YTHDC2: variants seen among roughly 807,000 people sequenced by gnomAD.
The protein encoded by YTHDC2 is YTH N6-methyladenosine RNA binding protein C2.
YTHDC2 carries 45 observed loss-of-function variants against 174.9 expected under a neutral mutation model. The ratio of observed to expected loss-of-function variants is 0.26; its 90% confidence interval spans 0.20 to 0.33. The LOEUF (loss-of-function observed/expected upper bound fraction) is 0.33. YTHDC2 is among the 10% of genes least tolerant of loss of function. The pLI is 1.00. For synonymous variants in YTHDC2, 657 were observed against 574.5 expected (o/e 1.14, Z -2.05); for missense variants, 1,650 against 1,723.7 (o/e 0.96, Z 0.76).
chr5:113,529,981 A>G (rs965203841), intron 4 of YTHDC2, among the ~76,000 whole-genome samples: 1 of 152,102 alleles, frequency 6.6e-6, no homozygotes, highest in African/African-American at 2.4e-5. Context: ...GCTGGAGTGC[A>G]GTGGCTATTC....
intron 4 of YTHDC2, among the ~76,000 whole-genome samples, chr5:113,530,696 G>A (rs1372762019): frequency 6.6e-6 from 1 of 151,728 alleles, no homozygotes; most frequent in Non-Finnish European, 1.5e-5. Context: ...ATTGTTATGT[G>A]TTAGATCAAT....
chr5:113,556,823 A>G (rs1422987135), intron 17 of YTHDC2, among the ~76,000 whole-genome samples: 2 of 152,192 alleles, frequency 1.3e-5, no homozygotes, highest in Non-Finnish European at 2.9e-5. Flanking sequence ...GTGTGCAAAG[A>G]TGTATGTTTA....
intron 11 of YTHDC2, 136 bp downstream of exon 11, chr5:113,548,803 T>C: frequency 8.6e-7 from 1 of 1,161,052 alleles, no homozygotes; most frequent in Non-Finnish European, 1.2e-6. Context: ...AATGGGTTAA[T>C]AATTTTGAAT....
chr5:113,561,054 TCC>T, intron 17 of YTHDC2, 24 bp from the exon 18 acceptor site: 1 of 1,572,248 alleles, frequency 6.4e-7, no homozygotes, highest in Non-Finnish European at 8.7e-7. Context: ...GTTGTTTGAG[TCC>T]TAATCTTGTA....
chr5:113,566,771 T>C (rs1777358520), intron 21 of YTHDC2, among the ~76,000 whole-genome samples: 1 of 152,148 alleles, frequency 6.6e-6, no homozygotes, highest in Non-Finnish European at 1.5e-5. Context: ...TTTCCAGCTA[T>C]GAATTTAGTT....
intron 18 of YTHDC2, among the ~76,000 whole-genome samples, chr5:113,561,804 A>G (rs1027040138): frequency 5.3e-5 from 8 of 152,000 alleles, no homozygotes; most frequent in South Asian, 2.1e-4. Context: ...AGTTTCAACT[A>G]TATAGTGTTC....
chr5:113,553,544 C>T, intron 13 of YTHDC2, 46 bp from the exon 14 acceptor site: 1 of 1,585,956 alleles, frequency 6.3e-7, no homozygotes, highest in Non-Finnish European at 8.6e-7. Context: ...TTGATTGCCT[C>T]TGATTCACAA....
At position 113,563,466 on chromosome 5, in the gene YTHDC2, G is replaced by T; in HGVS notation, c.2416G>T (p.Val806Leu). Residue 806 changes from valine to leucine, a missense_variant, in exon 19 of 30, where the codon GTA (valine) becomes TTA (leucine). Transcript: ENST00000161863. ...KAPEPPPALIVRNAVQMLKTI... is the reference protein window; with the variant it reads ...KAPEPPPALILRNAVQMLKTI... Reference sequence around the variant, plus strand: ...TCCTGAACCTCCACCAGCTTTAATTGTAAGAAATGCTGTACAAATGCTTAA... The same window carrying T: ...TCCTGAACCTCCACCAGCTTTAATTTTAAGAAATGCTGTACAAATGCTTAA... 1 of 1,609,746 alleles carries T rather than the reference G, an allele frequency of 6.2e-7. No homozygotes were observed. Among genetic ancestry groups the T allele is most frequent in the Non-Finnish European group, 8.5e-7 (1 of 1,177,524 alleles).
intron 4 of YTHDC2, among the ~76,000 whole-genome samples, chr5:113,529,395 T>G (rs1251282502): frequency 6.6e-6 from 1 of 152,204 alleles, no homozygotes; most frequent in Non-Finnish European, 1.5e-5. Context: ...ATAAATTTCC[T>G]AGAAGTGGAA....
intron 18 of YTHDC2, 132 bp from the exon 19 acceptor site, chr5:113,563,241 C>A: frequency 1.4e-6 from 1 of 707,242 alleles, no homozygotes; most frequent in Non-Finnish European, 2.1e-6. Context: ...AGACATTGTT[C>A]CTTCTACTGT....
intron 23 of YTHDC2, among the ~76,000 whole-genome samples, chr5:113,577,710 AGTATCTTTT>A (rs1778146164): frequency 6.6e-6 from 1 of 152,184 alleles, no homozygotes; most frequent in African/African-American, 2.4e-5. Context: ...CAGGAAATTT[AGTATCTTTT>A]AATTAGCCAT....
intron 23 of YTHDC2, among the ~76,000 whole-genome samples, chr5:113,575,944 G>A (rs540416930): frequency 3.0e-4 from 45 of 150,162 alleles, no homozygotes; most frequent in African/African-American, 1.0e-3. Flanking sequence ...GATTGAATGT[G>A]GGTAGTAAGG....
In YTHDC2 at chr5:113,564,018, G is replaced by C; in HGVS notation, c.2602G>C (p.Asp868His). ...AATTGCTTGCACACTAGCTTATCGA[G>C]ATCCTTTTGTACTACCTACTCAGGC... The part of the protein sequence containing the change: ...LTIACTLAYR[D>H]PFVLPTQASQ... The change falls in exon 20 of 30, where the codon GAT becomes CAT. Residue 868 changes from aspartate to histidine, a missense_variant. Coordinates refer to ENST00000161863, the MANE Select transcript of YTHDC2 (RefSeq NM_022828.5). 1 of 1,614,074 alleles carries C rather than the reference G, an allele frequency of 6.2e-7. No individual in the cohort carries two copies. Among genetic ancestry groups the C allele is most frequent in the Middle Eastern group, 1.6e-4 (1 of 6,062 alleles).
chr5:113,528,793 G>T (rs1774462350), intron 4 of YTHDC2, among the ~76,000 whole-genome samples: 1 of 152,188 alleles, frequency 6.6e-6, no homozygotes, highest in Non-Finnish European at 1.5e-5. Flanking sequence ...ACAGGCATAA[G>T]CCACCATGCC....
chr5:113,581,467 A>C lies in YTHDC2; in HGVS notation c.3405A>C (p.Leu1135Phe), dbSNP rs750919383. 8 of 1,612,958 alleles carry C rather than the reference A, an allele frequency of 5.0e-6. No individual in the cohort carries two copies. In the Admixed American group the frequency reaches 1.3e-4, roughly 27 times the overall value. Residue 1135 changes from leucine to phenylalanine, a missense_variant, in exon 25 of 30, where the codon TTA (leucine) becomes TTC (phenylalanine). Physicochemically the swap from Leu to Phe is conservative, Grantham distance 22. Transcript: ENST00000161863. Reference sequence around the variant, plus strand: ...GACAGAAGTGGCATAGCTTATTTTTACGCCGAATGAGAGCTCCATCTAAAC... The same window carrying C: ...GACAGAAGTGGCATAGCTTATTTTTCCGCCGAATGAGAGCTCCATCTAAAC... The part of the protein sequence containing the change: ...QLRQKWHSLF[L>F]RRMRAPSKPW...
At chr5:113,586,580 G>T (rs927353475) in intron 26 of YTHDC2, among the ~76,000 whole-genome samples, 2 of 151,458 alleles carry the variant, frequency 1.3e-5, no homozygotes, top group South Asian at 2.1e-4. Context: ...GAAATTTTGT[G>T]TACCAAACCC....
chr5:113,544,345 T>C (rs1775701274), intron 10 of YTHDC2, among the ~76,000 whole-genome samples: 1 of 152,036 alleles, frequency 6.6e-6, no homozygotes, highest in African/African-American at 2.4e-5. Context: ...GAGACGGAGT[T>C]TCACCATGTT....
In YTHDC2 at chr5:113,591,190, G is replaced by A; in HGVS notation, c.3975G>A (p.Trp1325Ter). 1 of 1,613,858 alleles carries A rather than the reference G, an allele frequency of 6.2e-7. No homozygotes were observed. The highest frequency in any genetic ancestry group is 8.5e-7 in the Non-Finnish European group (1 of 1,179,860). Residue 1325 changes from tryptophan (W) to a stop codon, truncating the protein, a stop_gained, in exon 27 of 30, where the codon TGG (tryptophan) becomes TGA (stop). Transcript: ENST00000161863. LOFTEE classifies it high-confidence loss of function. ...SNERKLNRAF[W>*]ESSIVYLVFS... is the part of the protein sequence containing the mutation. ...AACGGAAGCTAAATCGAGCCTTTTG[G>A]GAAAGCAGCATAGTTTACTTGGTAT...
intron 10 of YTHDC2, 72 bp from the exon 11 acceptor site, chr5:113,548,469 A>T: frequency 6.9e-7 from 1 of 1,452,512 alleles, no homozygotes; most frequent in East Asian, 2.3e-5. Context: ...GCTATTTCAG[A>T]TTTTTTAAAG....
Sources: gnomAD v4.1 joint callset for allele counts (sites outside exome capture counted in the v4.1 genomes callset) on GRCh38, gnomAD v4.1.1 for gene constraint, MANE v1.5 for transcripts, NCBI Gene and HGNC (gene_info 2026-07-23, HGNC 2026-07-21) for gene names.